PBX1: variants seen among roughly 807,000 people sequenced by gnomAD.
The protein encoded by PBX1 is pre-B-cell leukemia transcription factor 1.
In PBX1, 6 loss-of-function variants were observed where a neutral mutation model predicts 53.4. The observed-to-expected ratio is 0.11, with a 90% CI of 0.06 to 0.22. PBX1 has a LOEUF of 0.22. PBX1 is among the 10% of genes least tolerant of loss of function. The pLI, the probability that PBX1 is intolerant of heterozygous loss-of-function variation, is 1.00. For synonymous variants in PBX1, 204 were observed against 212.3 expected, an observed-to-expected ratio of 0.96 and a Z score of 0.34; for missense variants, 251 against 551.4, an observed-to-expected ratio of 0.46 and a Z score of 5.46.
At chr1:164,834,065 G>GTGTGTA (rs1670907010) in intron 8 of PBX1, among the ~76,000 whole-genome samples, 1 of 149,020 alleles carries the variant, frequency 6.7e-6, no homozygotes, top group Non-Finnish European at 1.5e-5. Context: ...GTGTGTGTGT[G>GTGTGTA]TGTGTATTCA....
chr1:164,709,415 A>G (rs766556380), intron 2 of PBX1, among the ~76,000 whole-genome samples: 14 of 152,138 alleles, frequency 9.2e-5, no homozygotes, highest in Non-Finnish European at 1.9e-4. Context: ...AAATAGAAAA[A>G]GGGGGAAAAA....
intron 2 of PBX1, among the ~76,000 whole-genome samples, chr1:164,653,537 C>T (rs1156482687): frequency 6.6e-6 from 1 of 151,988 alleles, no homozygotes; most frequent in African/African-American, 2.4e-5. Flanking sequence ...CTTTTGGAGG[C>T]TGGGGTGGGT....
chr1:164,637,947 C>T (rs1466282904), intron 2 of PBX1, among the ~76,000 whole-genome samples: 2 of 152,182 alleles, frequency 1.3e-5, no homozygotes, highest in Non-Finnish European at 2.9e-5. Context: ...GGTGCAAACT[C>T]AAGTATCACC....
chr1:164,593,438 T>C (rs1011520358), intron 2 of PBX1, among the ~76,000 whole-genome samples: 2 of 152,180 alleles, frequency 1.3e-5, no homozygotes, highest in African/African-American at 4.8e-5. Context: ...TTAGAAATAC[T>C]GTGTCTGCTC....
chr1:164,690,629 T>TAAA (rs34662653), intron 2 of PBX1, among the ~76,000 whole-genome samples: 10 of 145,994 alleles, frequency 6.8e-5, no homozygotes, highest in African/African-American at 2.0e-4. Context: ...AAGCTTTTCT[T>TAAA]AAAAAAAAAA....
intron 2 of PBX1, among the ~76,000 whole-genome samples, chr1:164,782,280 G>A (rs1394602005): frequency 2.0e-5 from 3 of 152,170 alleles, no homozygotes; most frequent in Non-Finnish European, 4.4e-5. Flanking sequence ...TGGTAACCCT[G>A]GCTGGAATTT....
At chr1:164,563,626 A>G (rs2101689241) in intron 2 of PBX1, among the ~76,000 whole-genome samples, 1 of 152,320 alleles carries the variant, frequency 6.6e-6, no homozygotes, top group Admixed American at 6.5e-5. Flanking sequence ...ATATGAAAGT[A>G]AAAGTTCATT....
intron 2 of PBX1, among the ~76,000 whole-genome samples, chr1:164,644,502 A>C (rs2101907098): frequency 6.6e-6 from 1 of 152,248 alleles, no homozygotes; most frequent in Non-Finnish European, 1.5e-5. Context: ...CCCTGAGCTA[A>C]GAGGTGGTCT....
At chr1:164,689,389 A>G (rs781056083) in intron 2 of PBX1, among the ~76,000 whole-genome samples, 6 of 150,350 alleles carry the variant, frequency 4.0e-5, no homozygotes, top group Non-Finnish European at 5.9e-5. Context: ...GGACATTAAT[A>G]TGGGTTTAAT....
intron 2 of PBX1, among the ~76,000 whole-genome samples, chr1:164,881,662 G>A (rs193029418): frequency 2.2e-5 from 3 of 139,072 alleles, no homozygotes; most frequent in Admixed American, 7.1e-5. Flanking sequence ...AAAAGAGGAA[G>A]GAAGGAGAGA....
chr1:164,841,861 G>A (rs767187753), intron 8 of PBX1, among the ~76,000 whole-genome samples: 6 of 152,214 alleles, frequency 3.9e-5, no homozygotes, highest in South Asian at 2.1e-4. Flanking sequence ...GCTGGAGCAC[G>A]TGCAGCTCCT....
At chr1:164,805,086 C>A (rs1053151069) in intron 4 of PBX1, among the ~76,000 whole-genome samples, 1 of 152,156 alleles carries the variant, frequency 6.6e-6, no homozygotes, top group Non-Finnish European at 1.5e-5. Context: ...AAAAAACTTA[C>A]CCCATGGACC....
rs142851735 is a variant in PBX1 at position 164,570,421 on chromosome 1, A to C, written c.265+7110A>C. ...CCCCTCCCTGTGTCCATGTGCTCTCATTGTCCAACTCCCATTTATGAGTGA... is the reference window on the plus strand; with the variant it reads ...CCCCTCCCTGTGTCCATGTGCTCTCCTTGTCCAACTCCCATTTATGAGTGA... On this transcript the variant is annotated intron_variant, in intron 2 of 8. Transcript: ENST00000420696. 2.6e-3 allele frequency among the ~76,000 whole-genome samples: 394 copies of C among 151,806 alleles called. 4 individuals are homozygous for C. The highest frequency in any genetic ancestry group is 9.3e-3 in the African/African-American group (383 of 41,376).
intron 3 of PBX1, among the ~76,000 whole-genome samples, chr1:164,795,549 A>T (rs1253661529): frequency 6.6e-6 from 1 of 152,232 alleles, no homozygotes; most frequent in East Asian, 1.9e-4. Context: ...TATTATTTTT[A>T]AAAGTACTAA....
At chr1:164,638,888 A>G (rs550079067) in intron 2 of PBX1, among the ~76,000 whole-genome samples, 3 of 152,326 alleles carry the variant, frequency 2.0e-5, no homozygotes, top group Non-Finnish European at 4.4e-5. Context: ...CGGAATGCTT[A>G]AGGAAGATAT....
At chr1:164,689,411 T>C (rs1020560447) in intron 2 of PBX1, among the ~76,000 whole-genome samples, 2 of 152,154 alleles carry the variant, frequency 1.3e-5, no homozygotes, top group Non-Finnish European at 2.9e-5. Context: ...AAAACTCCAG[T>C]TGATCTGTCC....
chr1:164,767,657 GAA>G (rs796425003), intron 2 of PBX1, among the ~76,000 whole-genome samples: 1 of 135,292 alleles, frequency 7.4e-6, no homozygotes, highest in Admixed American at 7.4e-5. Flanking sequence ...ATCAAAAAAA[GAA>G]AAAAAAAAAA....
chr1:164,752,638 A>G (rs548989067), intron 2 of PBX1, among the ~76,000 whole-genome samples: 3 of 152,160 alleles, frequency 2.0e-5, no homozygotes, highest in Non-Finnish European at 2.9e-5. Flanking sequence ...CATAAACACT[A>G]TGAGGGCTTT....
At chr1:164,781,662 C>T (rs551056612) in intron 2 of PBX1, among the ~76,000 whole-genome samples, 9 of 152,226 alleles carry the variant, frequency 5.9e-5, no homozygotes, top group Admixed American at 2.0e-4. Flanking sequence ...CAAGGGCACC[C>T]GATACCCTCA....
Sources: allele counts gnomAD v4.1 joint callset (sites outside exome capture counted in the v4.1 genomes callset), GRCh38; gene constraint gnomAD v4.1.1; transcripts MANE v1.5; gene names NCBI Gene and HGNC (gene_info 2026-07-23, HGNC 2026-07-21).